The following PDE3A variants were observed in gnomAD, a reference collection of about 807,000 sequenced individuals.
PDE3A encodes cGMP-inhibited 3',5'-cyclic phosphodiesterase 3A.
Under a neutral mutation model 98.3 loss-of-function variants are expected in PDE3A, and 43 were observed. That is an observed-to-expected ratio of 0.44 (90% confidence interval 0.34 to 0.56). The LOEUF is 0.56. PDE3A is among the 20% of genes least tolerant of loss of function. The pLI is 0.01. For missense variants in PDE3A, 1,427 were observed against 1,440.7 expected, an observed-to-expected ratio of 0.99 and a Z score of 0.15; for synonymous variants, 663 against 567.9, an observed-to-expected ratio of 1.17 and a Z score of -2.38.
At chr12:20,584,648 C>T (rs1223796112) in intron 2 of PDE3A, among the ~76,000 whole-genome samples, 3 of 152,072 alleles carry the variant, frequency 2.0e-5, no homozygotes, top group African/African-American at 4.8e-5. Flanking sequence ...CATTACAATC[C>T]TTAGGAATAA....
chr12:20,620,392 A>G (rs1333051113), intron 4 of PDE3A, among the ~76,000 whole-genome samples: 3 of 152,050 alleles, frequency 2.0e-5, no homozygotes, highest in Admixed American at 6.6e-5. Context: ...ACACAGACCA[A>G]GCACTTTTCC....
At chr12:20,514,038 T>A (rs1946273466) in intron 1 of PDE3A, among the ~76,000 whole-genome samples, 1 of 152,158 alleles carries the variant, frequency 6.6e-6, no homozygotes, top group Non-Finnish European at 1.5e-5. Context: ...CTTCCAACCT[T>A]GGCTGCACAT....
chr12:20,630,435 A>G (rs1304551214), intron 6 of PDE3A, among the ~76,000 whole-genome samples: 1 of 152,200 alleles, frequency 6.6e-6, no homozygotes, highest in Non-Finnish European at 1.5e-5. Context: ...AAAAAATGAT[A>G]TCAAGTATTC....
At chr12:20,437,058 T>C (rs1469123655) in intron 1 of PDE3A, among the ~76,000 whole-genome samples, 2 of 19,446 alleles carry the variant, frequency 1.0e-4, no homozygotes, top group Non-Finnish European at 1.8e-4. Context: ...TAAGATTGTG[T>C]GTGTGTGTGT....
chr12:20,499,892 C>T (rs975818745), intron 1 of PDE3A, among the ~76,000 whole-genome samples: 1 of 152,162 alleles, frequency 6.6e-6, no homozygotes, highest in Non-Finnish European at 1.5e-5. Flanking sequence ...GCTTGTTAAT[C>T]CTCACAACCC....
intron 1 of PDE3A, among the ~76,000 whole-genome samples, chr12:20,477,451 A>C (rs1027057408): frequency 1.3e-5 from 2 of 152,200 alleles, no homozygotes; most frequent in Admixed American, 6.5e-5. Flanking sequence ...ATCGGCAATA[A>C]TGAACCCCTG....
intron 1 of PDE3A, among the ~76,000 whole-genome samples, chr12:20,455,541 C>A (rs2120903772): frequency 6.6e-6 from 1 of 152,260 alleles, no homozygotes; most frequent in East Asian, 1.9e-4. Flanking sequence ...AGGCAGGCAC[C>A]AGATGCTTGC....
At chr12:20,550,853 A>G (rs1432089272) in intron 1 of PDE3A, among the ~76,000 whole-genome samples, 1 of 151,922 alleles carries the variant, frequency 6.6e-6, no homozygotes, top group African/African-American at 2.4e-5. Flanking sequence ...CTATGGTATC[A>G]TTTTGTATAC....
Position 20,669,042 on chromosome 12 carries a change from C to T in PDE3A, c.3185-10988C>T, listed in dbSNP as rs1008313166. Among the ~76,000 whole-genome samples the T allele has an allele frequency of 7.3e-5, 11 of 151,082 alleles. No homozygotes were observed. The East Asian group carries it at 1.6e-3, about 22-fold the overall frequency. Reference sequence around the variant, plus strand: ...GCTGAAAACCAAGGCTCGAGAACTACGTGAAGAATGCAGAAGCCTCAGGAG... The same window carrying T: ...GCTGAAAACCAAGGCTCGAGAACTATGTGAAGAATGCAGAAGCCTCAGGAG... On this transcript the variant is annotated intron_variant, in intron 15 of 15. Transcript: ENST00000359062.
At chr12:20,654,497 G>GTTTGTTT (rs56728333) in intron 15 of PDE3A, among the ~76,000 whole-genome samples, 99,412 of 149,952 alleles carry the variant, frequency 0.66, 33,224 homozygotes, top group East Asian at 0.73. Flanking sequence ...CTGGTTTTTT[G>GTTTGTTT]TTTGTTTTTT....
At chr12:20,524,877 G>A (rs1193312508) in intron 1 of PDE3A, among the ~76,000 whole-genome samples, 1 of 152,070 alleles carries the variant, frequency 6.6e-6, no homozygotes, top group African/African-American at 2.4e-5. Flanking sequence ...GCTCACGCCT[G>A]TAATCCCAGC....
intron 1 of PDE3A, among the ~76,000 whole-genome samples, chr12:20,438,747 G>T (rs1474516833): frequency 1.3e-5 from 2 of 149,506 alleles, no homozygotes; most frequent in African/African-American, 4.9e-5. Flanking sequence ...GGATTCTCTT[G>T]TCACTTAAGA....
intron 14 of PDE3A, among the ~76,000 whole-genome samples, chr12:20,652,555 C>A (rs1405146219): frequency 2.6e-5 from 4 of 152,258 alleles, no homozygotes; most frequent in African/African-American, 9.6e-5. Context: ...CTTTTGGCTG[C>A]ATAAATGTCT....
intron 2 of PDE3A, among the ~76,000 whole-genome samples, chr12:20,579,209 T>C (rs1943009070): frequency 6.6e-6 from 1 of 152,194 alleles, no homozygotes; most frequent in Admixed American, 6.5e-5. Context: ...ATAACCTTAA[T>C]TTGATTTTGC....
intron 1 of PDE3A, chr12:20,450,027 G>T: frequency 1.5e-6 from 1 of 666,938 alleles, no homozygotes; most frequent in Non-Finnish European, 2.8e-6. Context: ...GGAAGTTACG[G>T]AAGTTTTTCA....
chr12:20,523,068 G>A (rs989033985), intron 1 of PDE3A, among the ~76,000 whole-genome samples: 1 of 151,970 alleles, frequency 6.6e-6, no homozygotes, highest in African/African-American at 2.4e-5. Context: ...TGGGCGGTGG[G>A]GTGGGTGGCA....
intron 9 of PDE3A, 72 bp from the exon 10 acceptor site, chr12:20,639,774 G>C: frequency 1.4e-6 from 1 of 712,678 alleles, no homozygotes; most frequent in Non-Finnish European, 2.5e-6. Context: ...TATTTACCTA[G>C]TTTCACCACT....
At chr12:20,662,646 G>A (rs1052519421) in intron 15 of PDE3A, among the ~76,000 whole-genome samples, 2 of 152,182 alleles carry the variant, frequency 1.3e-5, no homozygotes, top group Non-Finnish European at 2.9e-5. Flanking sequence ...AAGCAGCAAA[G>A]CACTCAAGAG....
At chr12:20,557,426 C>G (rs911469841) in intron 2 of PDE3A, among the ~76,000 whole-genome samples, 1 of 152,124 alleles carries the variant, frequency 6.6e-6, no homozygotes, top group Non-Finnish European at 1.5e-5. Flanking sequence ...AATAATTTCT[C>G]TCATGGCAGG....
Sources: gnomAD v4.1 joint callset for allele counts (sites outside exome capture counted in the v4.1 genomes callset) on GRCh38, gnomAD v4.1.1 for gene constraint, MANE v1.5 for transcripts, NCBI Gene and HGNC (gene_info 2026-07-23, HGNC 2026-07-21) for gene names.